The following ERBB4 variants were observed in gnomAD, a reference collection of about 807,000 sequenced individuals.
ERBB4 encodes erb-b2 receptor tyrosine kinase 4.
ERBB4 carries 42 observed loss-of-function variants against 158.0 expected under a neutral mutation model. The ratio of observed to expected loss-of-function variants is 0.27; its 90% CI spans 0.21 to 0.34. ERBB4 has a LOEUF of 0.34. Ranked by LOEUF, ERBB4 falls within the 10% of genes least tolerant of loss-of-function variation. The pLI is 1.00. For missense variants in ERBB4, 1,333 were observed against 1,624.1 expected (o/e 0.82, Z 3.08); for synonymous variants, 583 against 558.7 (o/e 1.04, Z -0.61).
chr2:211,454,946 G>T (rs1458735813), intron 20 of ERBB4, among the ~76,000 whole-genome samples: 1 of 152,190 alleles, frequency 6.6e-6, no homozygotes, highest in Admixed American at 6.5e-5. Context: ...TGTCAATATT[G>T]CCTGGCGAGT....
At chr2:211,878,819 T>C (rs1324897956) in intron 3 of ERBB4, among the ~76,000 whole-genome samples, 6 of 151,298 alleles carry the variant, frequency 4.0e-5, no homozygotes, top group Admixed American at 2.0e-4. Flanking sequence ...AAATTTTAAG[T>C]AGAAAAAAAC....
intron 5 of ERBB4, among the ~76,000 whole-genome samples, chr2:211,740,946 A>C (rs1202692389): frequency 6.6e-6 from 1 of 152,176 alleles, no homozygotes. Flanking sequence ...GATTAATTTG[A>C]AAAAGAATAT....
rs745960041 is a variant in ERBB4 at position 212,345,828 on chromosome 2, C to G, written c.82+192621G>C. 3.3e-5 allele frequency among the ~76,000 whole-genome samples: 5 copies of G among 152,190 alleles called. No homozygotes were observed. The East Asian group carries it at 9.7e-4, about 29-fold the overall frequency. ...CTTTCTCAGCTAGAATTTCCCCAAT[C>G]AATCTATGAATTTGGGTTCAAGATA... On this transcript the variant is annotated intron_variant, in intron 1 of 27. Coordinates refer to ENST00000342788, the MANE Select transcript of ERBB4 (RefSeq NM_005235.3).
chr2:211,772,946 T>C (rs868719917), intron 4 of ERBB4, among the ~76,000 whole-genome samples: 5 of 85,502 alleles, frequency 5.8e-5, no homozygotes, highest in Non-Finnish European at 1.0e-4. Flanking sequence ...TATATATATA[T>C]ATATATATAT....
intron 20 of ERBB4, among the ~76,000 whole-genome samples, chr2:211,477,926 C>T (rs575433528): frequency 6.6e-6 from 1 of 152,186 alleles, no homozygotes; most frequent in Admixed American, 6.5e-5. Flanking sequence ...ATTTAAATGA[C>T]TATTCAGGTG....
intron 1 of ERBB4, among the ~76,000 whole-genome samples, chr2:212,159,275 T>G (rs939353724): frequency 4.0e-5 from 6 of 151,658 alleles, no homozygotes; most frequent in South Asian, 2.1e-4. Flanking sequence ...TTTTTTTTTT[T>G]TTTTTGGATA....
intron 20 of ERBB4, among the ~76,000 whole-genome samples, chr2:211,449,580 C>T (rs2064192823): frequency 6.6e-6 from 1 of 152,140 alleles, no homozygotes; most frequent in Non-Finnish European, 1.5e-5. Flanking sequence ...ATGGAAAGCA[C>T]ACATACCATC....
intron 2 of ERBB4, among the ~76,000 whole-genome samples, chr2:211,964,816 C>T (rs2125184552): frequency 6.6e-6 from 1 of 152,224 alleles, no homozygotes; most frequent in Middle Eastern, 3.4e-3. Flanking sequence ...AAATAAATTT[C>T]TGCTACTGTA....
intron 20 of ERBB4, among the ~76,000 whole-genome samples, chr2:211,433,296 G>C (rs1236638926): frequency 7.2e-5 from 11 of 152,110 alleles, no homozygotes; most frequent in African/African-American, 2.7e-4. Context: ...AAAAAGGGGA[G>C]TGAGGCCGGG....
chr2:212,516,403 A>G (rs565115107), intron 1 of ERBB4, among the ~76,000 whole-genome samples: 75 of 152,176 alleles, frequency 4.9e-4, no homozygotes, highest in African/African-American at 1.8e-3. Flanking sequence ...GTATGGAGTA[A>G]TTCTTTGGGC....
intron 1 of ERBB4, among the ~76,000 whole-genome samples, chr2:212,195,943 A>G (rs2082414344): frequency 6.6e-6 from 1 of 152,130 alleles, no homozygotes; most frequent in Non-Finnish European, 1.5e-5. Context: ...AATTTAAGAT[A>G]GTCCATCATG....
At chr2:211,738,361 G>GTTTTTTTTTTTTTTTTTT (rs10535592) in intron 5 of ERBB4, among the ~76,000 whole-genome samples, 1 of 135,342 alleles carries the variant, frequency 7.4e-6, no homozygotes, top group African/African-American at 2.6e-5. Flanking sequence ...CTTTGTTTTT[G>GTTTTTTTTTTTTTTTTTT]TTTTTTTTTT....
intron 1 of ERBB4, among the ~76,000 whole-genome samples, chr2:212,346,132 C>A (rs1237994325): frequency 1.3e-5 from 2 of 151,984 alleles, no homozygotes; most frequent in Non-Finnish European, 2.9e-5. Flanking sequence ...GTAGAGATAA[C>A]CAGTTCTTTG....
intron 1 of ERBB4, among the ~76,000 whole-genome samples, chr2:212,146,392 G>C (rs1488820945): frequency 6.6e-6 from 1 of 152,132 alleles, no homozygotes; most frequent in East Asian, 1.9e-4. Context: ...CAAGTGCCAA[G>C]AATTGTTGAC....
intron 19 of ERBB4, among the ~76,000 whole-genome samples, chr2:211,594,228 G>A (rs1441709746): frequency 6.6e-6 from 1 of 152,098 alleles, no homozygotes; most frequent in Non-Finnish European, 1.5e-5. Flanking sequence ...ACTGAGCTCA[G>A]GAATTTGAGA....
intron 1 of ERBB4, among the ~76,000 whole-genome samples, chr2:212,441,052 A>G (rs1192748971): frequency 6.6e-6 from 1 of 152,208 alleles, no homozygotes; most frequent in Non-Finnish European, 1.5e-5. Context: ...CTGCAACGAA[A>G]GATGCATGCA....
chr2:211,917,930 T>G (rs2125070163), intron 3 of ERBB4, among the ~76,000 whole-genome samples: 1 of 152,238 alleles, frequency 6.6e-6, no homozygotes, highest in South Asian at 2.1e-4. Context: ...GCTTCTCCAC[T>G]TAAGAGTCCA....
chr2:211,788,855 G>C (rs189534453), intron 3 of ERBB4, among the ~76,000 whole-genome samples: 1 of 152,264 alleles, frequency 6.6e-6, no homozygotes, highest in Admixed American at 6.5e-5. Flanking sequence ...AAATCGATAA[G>C]ATTGCCAATT....
chr2:211,874,643 T>C (rs1042019368), intron 3 of ERBB4, among the ~76,000 whole-genome samples: 3 of 152,116 alleles, frequency 2.0e-5, no homozygotes, highest in Non-Finnish European at 2.9e-5. Flanking sequence ...GTGATAACCT[T>C]ATGGCAGGTG....
Sources: gnomAD v4.1 joint callset for allele counts (sites outside exome capture counted in the v4.1 genomes callset) on GRCh38, gnomAD v4.1.1 for gene constraint, MANE v1.5 for transcripts, NCBI Gene and HGNC (gene_info 2026-07-23, HGNC 2026-07-21) for gene names.